The following ROCK2 variants were observed in gnomAD, a reference collection of about 807,000 sequenced individuals.
The protein encoded by ROCK2 is Rho associated coiled-coil containing protein kinase 2.
In ROCK2, 61 loss-of-function variants were observed where a neutral mutation model predicts 195.1. The ratio of observed to expected loss-of-function variants is 0.31; its 90% CI spans 0.25 to 0.39. The LOEUF is 0.39. Ranked by LOEUF, ROCK2 falls within the 10% of genes least tolerant of loss-of-function variation. The probability of loss-of-function intolerance (pLI) is 1.00; values close to 1 mark genes in which losing one functional copy is unlikely to be tolerated. For missense variants in ROCK2, 1,109 were observed against 1,637.4 expected, an observed-to-expected ratio of 0.68 and a Z score of 5.57; for synonymous variants, 504 against 545.5, an observed-to-expected ratio of 0.92 and a Z score of 1.06.
intron 3 of ROCK2, among the ~76,000 whole-genome samples, chr2:11,261,707 C>T (rs1666233201): frequency 6.6e-6 from 1 of 152,122 alleles, no homozygotes; most frequent in Non-Finnish European, 1.5e-5. Flanking sequence ...ATCCCAGCTA[C>T]TCAGGAAGCT....
chr2:11,222,046 T>G (rs369018273), intron 8 of ROCK2, 37 bp downstream of exon 8: 76 of 1,224,968 alleles, frequency 6.2e-5, no homozygotes, highest in Non-Finnish European at 8.6e-5. Context: ...AGTTTCAGAA[T>G]GTGATGGAAT....
intron 1 of ROCK2, among the ~76,000 whole-genome samples, chr2:11,305,519 G>A (rs975479137): frequency 5.9e-5 from 9 of 151,870 alleles, no homozygotes; most frequent in African/African-American, 1.5e-4. Flanking sequence ...ACCACTGAAA[G>A]GGCCTGGTGT....
chr2:11,199,394 G>A (rs186064518), intron 23 of ROCK2, among the ~76,000 whole-genome samples: 2 of 150,674 alleles, frequency 1.3e-5, no homozygotes, highest in East Asian at 3.9e-4. Context: ...ACCACTCACT[G>A]TAGCCTCAGC....
chr2:11,256,812 G>A (rs1235431168), intron 3 of ROCK2, among the ~76,000 whole-genome samples: 2 of 151,318 alleles, frequency 1.3e-5, no homozygotes, highest in Admixed American at 6.6e-5. Flanking sequence ...TTCAATAAAT[G>A]AGCCTGAAAA....
At chr2:11,187,335 C>T (rs1245879405) in intron 32 of ROCK2, among the ~76,000 whole-genome samples, 1 of 152,202 alleles carries the variant, frequency 6.6e-6, no homozygotes, top group African/African-American at 2.4e-5. Context: ...CCACTCTGTC[C>T]TGCCTGGGAT....
At chr2:11,290,290 TG>T (rs1294767663) in intron 1 of ROCK2, among the ~76,000 whole-genome samples, 3 of 152,154 alleles carry the variant, frequency 2.0e-5, no homozygotes, top group Non-Finnish European at 4.4e-5. Context: ...TGATTTCAAC[TG>T]TGATTATTTT....
chr2:11,270,199 TGAG>T (rs967803842), intron 3 of ROCK2, among the ~76,000 whole-genome samples: 11 of 152,354 alleles, frequency 7.2e-5, no homozygotes, highest in African/African-American at 2.2e-4. Flanking sequence ...GCATGGTTTC[TGAG>T]GAGAAGTCAG....
chr2:11,206,908 A>C (rs146864717), intron 20 of ROCK2, among the ~76,000 whole-genome samples: 103 of 152,374 alleles, frequency 6.8e-4, no homozygotes, highest in Non-Finnish European at 1.1e-3. Context: ...GGTAAGTAAC[A>C]GAACCAATAT....
At chr2:11,322,776 C>G (rs1413449705) in intron 1 of ROCK2, among the ~76,000 whole-genome samples, 1 of 152,132 alleles carries the variant, frequency 6.6e-6, no homozygotes, top group Non-Finnish European at 1.5e-5. Flanking sequence ...CTAATTTTAT[C>G]ATTATGGGAT....
chr2:11,219,692 C>T (rs770672185), intron 9 of ROCK2, among the ~76,000 whole-genome samples: 6 of 151,764 alleles, frequency 4.0e-5, no homozygotes, highest in Non-Finnish European at 8.8e-5. Context: ...TGGAGTATAG[C>T]GGTACAATCA....
chr2:11,209,606 T>A (rs911739259), intron 18 of ROCK2, among the ~76,000 whole-genome samples: 4 of 152,330 alleles, frequency 2.6e-5, no homozygotes, highest in African/African-American at 9.6e-5. Flanking sequence ...TTTTAATCTA[T>A]TTTACTTATC....
In ROCK2 at chr2:11,180,627, C is replaced by T. The variant is rs146502845; in HGVS notation, c.*2810G>A. On this transcript the variant is annotated 3_prime_UTR_variant, in exon 33 of 33. Coordinates refer to ENST00000315872, the MANE Select transcript of ROCK2 (RefSeq NM_004850.5). The stretch of plus-strand genomic sequence containing the variant: ...AGTAAAAAATCCAATAAGAAAATCC[C>T]AGTATTCATGATTTCTTAGTTCCCC... The T allele has an allele frequency of 6.6e-6, 1 of 152,208 alleles. No homozygotes were observed. The highest frequency in any genetic ancestry group is 1.9e-4 in the East Asian group (1 of 5,186). The allele number at this position is 152,208 out of a possible 1,614,324, so 9.4% of individuals were successfully genotyped here.
chr2:11,236,312 A>C (rs185921488), intron 4 of ROCK2, among the ~76,000 whole-genome samples: 1 of 152,304 alleles, frequency 6.6e-6, no homozygotes. Flanking sequence ...AATTTAAAAA[A>C]AACAGCTTTC....
At chr2:11,329,376 G>C (rs1668646825) in intron 1 of ROCK2, among the ~76,000 whole-genome samples, 2 of 150,808 alleles carry the variant, frequency 1.3e-5, no homozygotes, top group African/African-American at 2.4e-5. Flanking sequence ...GAAGGGGAAA[G>C]CACATTAAAA....
chr2:11,315,744 T>G (rs1211332141), intron 1 of ROCK2, among the ~76,000 whole-genome samples: 1 of 152,124 alleles, frequency 6.6e-6, no homozygotes, highest in Non-Finnish European at 1.5e-5. Flanking sequence ...TTCACAGGGA[T>G]TAAAGATTTC....
Position 11,331,826 on chromosome 2 carries a change from T to C in ROCK2, c.141+12170A>G, listed in dbSNP as rs183185555. 4.0e-3 allele frequency among the ~76,000 whole-genome samples: 607 copies of C among 152,308 alleles called. 2 individuals are homozygous for C. Among genetic ancestry groups the C allele is most frequent in the African/African-American group, 0.013 (544 of 41,558 alleles). The stretch of plus-strand genomic sequence containing the variant: ...CTGTAATTCCAGCTACTCGGGAGGC[T>C]GAGGCAGGAGACTCACGTGAACCTG... On this transcript the variant is annotated intron_variant, in intron 1 of 32. Transcript: ENST00000315872.
At chr2:11,256,284 G>C (rs905825140) in intron 3 of ROCK2, among the ~76,000 whole-genome samples, 4 of 151,156 alleles carry the variant, frequency 2.6e-5, no homozygotes, top group African/African-American at 9.9e-5. Flanking sequence ...CACGGGGAGG[G>C]ACTTCCCCCT....
chr2:11,296,792 A>G (rs540064794), intron 1 of ROCK2, among the ~76,000 whole-genome samples: 18 of 152,296 alleles, frequency 1.2e-4, no homozygotes, highest in Non-Finnish European at 2.2e-4. Context: ...ATGCAATACA[A>G]CATTTAAGTC....
intron 20 of ROCK2, among the ~76,000 whole-genome samples, chr2:11,204,567 A>T (rs1190928245): frequency 6.6e-6 from 1 of 151,988 alleles, no homozygotes; most frequent in African/African-American, 2.4e-5. Flanking sequence ...TGGGTGCTAG[A>T]TCTCCTAGAA....
Sources: allele counts gnomAD v4.1 joint callset (sites outside exome capture counted in the v4.1 genomes callset), GRCh38; gene constraint gnomAD v4.1.1; transcripts MANE v1.5; gene names NCBI Gene and HGNC (gene_info 2026-07-23, HGNC 2026-07-21).